LRCH3: variants seen among roughly 807,000 people sequenced by gnomAD.
The protein encoded by LRCH3 is DISP complex protein LRCH3.
A neutral mutation model predicts 104.5 loss-of-function variants in LRCH3; 68 were observed. That is an observed-to-expected ratio of 0.65 (90% CI 0.54 to 0.80). The LOEUF (loss-of-function observed/expected upper bound fraction) is 0.80, where lower values mean the gene tolerates loss of function less well. Ranked by LOEUF, LRCH3 falls within the 30% of genes least tolerant of loss-of-function variation. The pLI, the probability that LRCH3 is intolerant of heterozygous loss-of-function variation, is 0.00. For synonymous variants in LRCH3, 344 were observed against 361.3 expected (o/e 0.95, Z 0.54); for missense variants, 951 against 953.9 (o/e 1.00, Z 0.04).
Position 197,883,074 on chromosome 3 carries a change from T to C in LRCH3, c.2209-467T>C, listed in dbSNP as rs1713925068. ...CAGATAGCGTAGAACTCATGCAGGCTGAGTTATGTTTTCAAACTATCTTTC... is the reference window on the plus strand; with the variant it reads ...CAGATAGCGTAGAACTCATGCAGGCCGAGTTATGTTTTCAAACTATCTTTC... On this transcript the variant is annotated intron_variant, in intron 20 of 20. Coordinates refer to ENST00000425562, the MANE Select transcript of LRCH3 (RefSeq NM_001365715.1). The surrounding 1 kb of genome is among the most constrained non-coding windows in gnomAD (Gnocchi z 4.2). 8.1e-6 allele frequency: 8 copies of C among 985,962 alleles called. 2 individuals are homozygous for C. In the South Asian group the frequency reaches 2.8e-4, roughly 35 times the overall value. The allele number at this position is 985,962 out of a possible 1,614,324, so 61.1% of individuals were successfully genotyped here.
intron 1 of LRCH3, among the ~76,000 whole-genome samples, chr3:197,793,437 G>A (rs778243178): frequency 6.6e-6 from 1 of 152,158 alleles, no homozygotes; most frequent in Non-Finnish European, 1.5e-5. Flanking sequence ...TCCTGCTTCT[G>A]TTTAGGAGAT....
intron 14 of LRCH3, among the ~76,000 whole-genome samples, chr3:197,855,839 A>G (rs988195153): frequency 6.6e-6 from 1 of 152,154 alleles, no homozygotes; most frequent in Non-Finnish European, 1.5e-5. Context: ...GGCCTTTAAA[A>G]CACATCTCAC....
At chr3:197,857,459 T>C (rs1035923155) in intron 14 of LRCH3, among the ~76,000 whole-genome samples, 4 of 147,318 alleles carry the variant, frequency 2.7e-5, no homozygotes, top group Admixed American at 1.4e-4. Context: ...TACACTGACA[T>C]TGTCTTCGTT....
At chr3:197,836,985 T>C (rs1736898737) in intron 9 of LRCH3, among the ~76,000 whole-genome samples, 1 of 152,154 alleles carries the variant, frequency 6.6e-6, no homozygotes, top group African/African-American at 2.4e-5. Flanking sequence ...GCCAGTATTA[T>C]CATTCTTTTT....
intron 17 of LRCH3, among the ~76,000 whole-genome samples, chr3:197,868,584 A>G (rs1434732741): frequency 6.6e-6 from 1 of 152,232 alleles, no homozygotes; most frequent in Non-Finnish European, 1.5e-5. Context: ...TAATAGCCTG[A>G]AACTGAATGT....
chr3:197,867,929 C>T (rs1462752913), intron 17 of LRCH3, among the ~76,000 whole-genome samples: 2 of 151,858 alleles, frequency 1.3e-5, no homozygotes, highest in African/African-American at 2.4e-5. Context: ...GGGGCTGAGG[C>T]GGGAGGATGG....
rs73210159 is a variant in LRCH3 at position 197,838,486 on chromosome 3, G to A, written c.1252-835G>A. Among the ~76,000 whole-genome samples, 3 of 152,236 alleles carry A rather than the reference G, an allele frequency of 2.0e-5. No homozygotes were observed. In the East Asian group the frequency reaches 5.8e-4, roughly 29 times the overall value. ...GTAGATGGTAAGTAGTTTTATGTTTGATTTGTAGATATCCTTTTTGGGAAA... is the reference window on the plus strand; with the variant it reads ...GTAGATGGTAAGTAGTTTTATGTTTAATTTGTAGATATCCTTTTTGGGAAA... On this transcript the variant is annotated intron_variant, in intron 9 of 20. Transcript: ENST00000425562.
intron 5 of LRCH3, among the ~76,000 whole-genome samples, chr3:197,828,646 C>A (rs555412252): frequency 2.0e-5 from 3 of 151,646 alleles, no homozygotes; most frequent in South Asian, 4.2e-4. Flanking sequence ...CGCCCGGCCC[C>A]CTTAGCTCTT....
intron 9 of LRCH3, among the ~76,000 whole-genome samples, chr3:197,837,129 G>A (rs1002531566): frequency 6.6e-6 from 1 of 152,194 alleles, no homozygotes; most frequent in African/African-American, 2.4e-5. Flanking sequence ...AGAGATGGCA[G>A]TGTACTAGGT....
At chr3:197,848,684 G>T (rs1424028612) in intron 12 of LRCH3, among the ~76,000 whole-genome samples, 2 of 152,144 alleles carry the variant, frequency 1.3e-5, no homozygotes, top group Non-Finnish European at 1.5e-5. Context: ...TTTACTTACT[G>T]CTGTGTCCCT....
chr3:197,797,735 G>A (rs934700128), intron 1 of LRCH3, among the ~76,000 whole-genome samples: 1 of 151,658 alleles, frequency 6.6e-6, no homozygotes, highest in Non-Finnish European at 1.5e-5. Context: ...ATTGGCAGGC[G>A]CCTATAATCC....
In LRCH3 at chr3:197,815,192, A is replaced by C. The variant is rs185784862; in HGVS notation, c.407+140A>C. On this transcript the variant is annotated intron_variant, in intron 2 of 20. Coordinates refer to ENST00000425562, the MANE Select transcript of LRCH3 (RefSeq NM_001365715.1). ...TGTATGTGCTCTTGGATATATTAACAGTATTTCCTATGTCCCTCCAGTTTC... is the reference window on the plus strand; with the variant it reads ...TGTATGTGCTCTTGGATATATTAACCGTATTTCCTATGTCCCTCCAGTTTC... 4.8e-4 allele frequency: 237 copies of C among 492,936 alleles called. 1 individual carries two copies. The highest frequency in any genetic ancestry group is 7.4e-4 in the Non-Finnish European group (215 of 289,294). 30.5% of individuals were successfully genotyped at this position (492,936 alleles called of 1,614,324 possible). A position where few individuals can be genotyped will look rare whatever the true frequency, so the allele number is the denominator to read the frequency against.
chr3:197,821,704 C>G (rs558994541), intron 4 of LRCH3, among the ~76,000 whole-genome samples: 1 of 152,194 alleles, frequency 6.6e-6, no homozygotes, highest in Admixed American at 6.5e-5. Flanking sequence ...GACAGGGTCT[C>G]ACTCCCATTA....
chr3:197,804,943 G>A (rs1254108105), intron 1 of LRCH3, among the ~76,000 whole-genome samples: 1 of 151,082 alleles, frequency 6.6e-6, no homozygotes, highest in East Asian at 1.9e-4. Context: ...CGCCTAGGCT[G>A]GAGTGCAGTG....
chr3:197,841,670 G>A (rs1233966065), intron 10 of LRCH3, among the ~76,000 whole-genome samples: 1 of 152,074 alleles, frequency 6.6e-6, no homozygotes, highest in Non-Finnish European at 1.5e-5. Flanking sequence ...AAGGTCTGTG[G>A]ATTCTTTATT....
intron 15 of LRCH3, among the ~76,000 whole-genome samples, chr3:197,863,152 C>T (rs1741073388): frequency 6.6e-6 from 1 of 151,968 alleles, no homozygotes; most frequent in African/African-American, 2.4e-5. Flanking sequence ...GTCATTATGT[C>T]CAGAAATGTG....
chr3:197,868,233 A>G lies in LRCH3; in HGVS notation c.1874-1927A>G, dbSNP rs1711577874. On this transcript the variant is annotated intron_variant, in intron 17 of 20. Coordinates refer to ENST00000425562, the MANE Select transcript of LRCH3 (RefSeq NM_001365715.1). ...AATCTTCAGAAACAAGACAACGATA[A>G]TAAACAATGCCACAATAAAGAAATA... Among the ~76,000 whole-genome samples, 2 of 152,224 alleles carry G rather than the reference A, an allele frequency of 1.3e-5. 1 individual carries two copies. The highest frequency in any genetic ancestry group is 4.1e-4 in the South Asian group (2 of 4,832).
intron 1 of LRCH3, among the ~76,000 whole-genome samples, chr3:197,807,645 GT>G (rs1732660987): frequency 6.6e-6 from 1 of 152,050 alleles, no homozygotes; most frequent in Admixed American, 6.6e-5. Flanking sequence ...TTTATTTGTT[GT>G]TTCCTTTGTT....
intron 15 of LRCH3, among the ~76,000 whole-genome samples, chr3:197,861,917 A>G (rs572196346): frequency 3.4e-4 from 52 of 152,332 alleles, no homozygotes; most frequent in African/African-American, 1.2e-3. Flanking sequence ...TACATTTCAG[A>G]AACCATTTTT....
Sources: gnomAD v4.1 joint callset for allele counts (sites outside exome capture counted in the v4.1 genomes callset) on GRCh38, gnomAD v4.1.1 for gene constraint, Gnocchi (gnomAD v3.1) non-coding constraint, MANE v1.5 for transcripts, NCBI Gene and HGNC (gene_info 2026-07-23, HGNC 2026-07-21) for gene names.